Variants in ERC1 observed in about 807,000 individuals in gnomAD.
ERC1 encodes ELKS/RAB6-interacting/CAST family member 1.
ERC1 carries 56 observed loss-of-function variants against 132.0 expected under a neutral mutation model. The observed-to-expected ratio is 0.42, with a 90% CI of 0.34 to 0.53. The LOEUF (loss-of-function observed/expected upper bound fraction) is 0.53, where lower values mean the gene tolerates loss of function less well. Ranked by LOEUF, ERC1 falls within the 20% of genes least tolerant of loss-of-function variation. ERC1 has a pLI of 0.03. For missense variants in ERC1, 1,202 were observed against 1,349.9 expected, an observed-to-expected ratio of 0.89 and a Z score of 1.72; for synonymous variants, 478 against 476.1, an observed-to-expected ratio of 1.00 and a Z score of -0.05.
intron 14 of ERC1, among the ~76,000 whole-genome samples, chr12:1,272,838 C>T (rs1341864612): frequency 1.3e-5 from 2 of 150,198 alleles, no homozygotes; most frequent in Non-Finnish European, 2.9e-5. Flanking sequence ...ATCCCAGCTA[C>T]TTGGGAGGCT....
At chr12:1,066,691 T>G (rs139808562) in intron 2 of ERC1, among the ~76,000 whole-genome samples, 2 of 151,856 alleles carry the variant, frequency 1.3e-5, no homozygotes, top group Non-Finnish European at 1.5e-5. Context: ...AGAAAAATTA[T>G]CCGGGTGTGG....
At chr12:1,073,949 C>T (rs977313601) in intron 2 of ERC1, among the ~76,000 whole-genome samples, 5 of 146,042 alleles carry the variant, frequency 3.4e-5, no homozygotes, top group African/African-American at 1.3e-4. Context: ...TCACTGCAAC[C>T]TCCGCCTCCC....
intron 14 of ERC1, among the ~76,000 whole-genome samples, chr12:1,288,570 G>A (rs1035390073): frequency 1.3e-5 from 2 of 152,198 alleles, no homozygotes; most frequent in African/African-American, 4.8e-5. Context: ...ACCAATCAAC[G>A]TGGAAACTTT....
rs1247278254 is a variant in ERC1, at chr12:1,115,873, A to G, written c.1409A>G (p.Gln470Arg). 2 of 1,612,274 alleles carry G rather than the reference A, an allele frequency of 1.2e-6. No individual in the cohort carries two copies. The highest frequency in any genetic ancestry group is 1.7e-6 in the Non-Finnish European group (2 of 1,179,420). Residue 470 changes from glutamine to arginine, a missense_variant, in exon 7 of 19, where the codon CAG becomes CGG. Transcript: ENST00000360905. ...GTTTTACTTCTTTTCTAGATTGGCC[A>G]GGTGAAACAGGAGCTGTCCAGAAAG... ...KAAGLQAEIG[Q>R]VKQELSRKDT...
rs185260562 is a variant in ERC1, at chr12:1,185,946, G to T, written c.2157+2525G>T. On this transcript the variant is annotated intron_variant, in intron 11 of 18. Coordinates refer to ENST00000360905, the MANE Select transcript of ERC1 (RefSeq NM_178040.4). The stretch of plus-strand genomic sequence containing the variant: ...CCACACCAGTTTAGGGTACAGTTTC[G>T]CTAACACATTAAAATATGTTTCTGC... 4.6e-5 allele frequency among the ~76,000 whole-genome samples: 7 copies of T among 152,124 alleles called. No individual in the cohort carries two copies. In the East Asian group the frequency reaches 1.4e-3, roughly 29 times the overall value.
At chr12:1,402,141 T>C (rs1008141933) in intron 16 of ERC1, among the ~76,000 whole-genome samples, 1 of 152,210 alleles carries the variant, frequency 6.6e-6, no homozygotes, top group African/African-American at 2.4e-5. Context: ...TTGCAAAATA[T>C]TTAGAACAGG....
chr12:1,294,255 C>G (rs897619343), intron 15 of ERC1, among the ~76,000 whole-genome samples: 1 of 152,116 alleles, frequency 6.6e-6, no homozygotes, highest in Non-Finnish European at 1.5e-5. Flanking sequence ...CTTTGCCTTT[C>G]TCCTTCTTTA....
upstream of ERC1, among the ~76,000 whole-genome samples, chr12:990,868 G>A (rs1445792851): frequency 2.0e-5 from 3 of 151,972 alleles, no homozygotes; most frequent in Admixed American, 1.3e-4. Flanking sequence ...GCAAGCAGGA[G>A]GAGACAAGCG....
At chr12:1,179,335 A>G (rs1954098498) in intron 8 of ERC1, among the ~76,000 whole-genome samples, 1 of 152,164 alleles carries the variant, frequency 6.6e-6, no homozygotes, top group Admixed American at 6.5e-5. Context: ...AGAACTGGCC[A>G]GACCACTTCT....
chr12:1,161,594 CAGTTG>C (rs565686315), intron 8 of ERC1, among the ~76,000 whole-genome samples: 19 of 152,244 alleles, frequency 1.2e-4, no homozygotes, highest in East Asian at 3.9e-4. Flanking sequence ...ATTTAGGAAG[CAGTTG>C]AGTTGAGTTT....
At chr12:1,365,475 CTG>C (rs1217399749) in intron 15 of ERC1, among the ~76,000 whole-genome samples, 3 of 152,208 alleles carry the variant, frequency 2.0e-5, no homozygotes, top group Admixed American at 1.3e-4. Context: ...TGAGCCTACT[CTG>C]TGCTGGGAAC....
intron 12 of ERC1, among the ~76,000 whole-genome samples, chr12:1,202,664 A>G (rs79687913): frequency 0.029 from 4,406 of 152,072 alleles, 221 homozygotes; most frequent in African/African-American, 0.1. Flanking sequence ...TCAAAAAGGA[A>G]AAAAAAAGAG....
chr12:1,332,162 G>T (rs1390517957), intron 15 of ERC1, among the ~76,000 whole-genome samples: 1 of 151,646 alleles, frequency 6.6e-6, no homozygotes, highest in Non-Finnish European at 1.5e-5. Flanking sequence ...TTAGTTCTTG[G>T]TTGGGGGAAC....
At chr12:1,134,639 A>G (rs1949080493) in intron 7 of ERC1, among the ~76,000 whole-genome samples, 2 of 151,996 alleles carry the variant, frequency 1.3e-5, no homozygotes, top group South Asian at 4.1e-4. Flanking sequence ...GGTGTGAGCC[A>G]CCGCACCTGG....
intron 18 of ERC1, among the ~76,000 whole-genome samples, chr12:1,461,337 C>A (rs1001767005): frequency 1.3e-5 from 2 of 152,060 alleles, no homozygotes; most frequent in African/African-American, 4.8e-5. Flanking sequence ...CTTTGTCGCC[C>A]AGGAATTTTA....
At chr12:1,416,165 T>G (rs2092110087) in intron 17 of ERC1, among the ~76,000 whole-genome samples, 1 of 152,120 alleles carries the variant, frequency 6.6e-6, no homozygotes. Flanking sequence ...AACAAAATGG[T>G]CTTTGCTGGT....
chr12:1,059,824 C>T (rs1593015817), intron 2 of ERC1, among the ~76,000 whole-genome samples: 1 of 152,094 alleles, frequency 6.6e-6, no homozygotes, highest in Non-Finnish European at 1.5e-5. Flanking sequence ...GTCTGGTTTT[C>T]GCATCAAGGT....
intron 14 of ERC1, among the ~76,000 whole-genome samples, chr12:1,267,651 A>G (rs1419553079): frequency 1.3e-5 from 2 of 152,098 alleles, no homozygotes; most frequent in African/African-American, 4.8e-5. Flanking sequence ...ATTCCCAGCT[A>G]CTTGAGGGAC....
rs532535685 is a variant in ERC1 at position 1,188,388 on chromosome 12, T to C, written c.2158-1471T>C. ...TTTCTATTAGATATATTTATAGCCT[T>C]CTCCTGCCCATGAAGGATTGACTGC... On this transcript the variant is annotated intron_variant, in intron 11 of 18. Transcript: ENST00000360905. 1.8e-3 allele frequency among the ~76,000 whole-genome samples: 271 copies of C among 152,246 alleles called. 1 individual carries two copies. The highest frequency in any genetic ancestry group is 6.3e-3 in the African/African-American group (260 of 41,514).
Sources: allele counts gnomAD v4.1 joint callset (sites outside exome capture counted in the v4.1 genomes callset), GRCh38; gene constraint gnomAD v4.1.1; transcripts MANE v1.5; gene names NCBI Gene and HGNC (gene_info 2026-07-23, HGNC 2026-07-21).